The following TNNI3K variants were observed in gnomAD, a reference collection of about 807,000 sequenced individuals.
TNNI3K encodes TNNI3 interacting kinase.
TNNI3K carries 140 observed loss-of-function variants against 114.5 expected under a neutral mutation model. That is an observed-to-expected ratio of 1.22 (90% CI 1.07 to 1.41). The LOEUF (loss-of-function observed/expected upper bound fraction) is 1.41. Among genes scored for constraint, TNNI3K ranks in the 40% most tolerant of loss-of-function variants. The probability of loss-of-function intolerance (pLI) is 0.00; values close to 1 mark genes in which losing one functional copy is unlikely to be tolerated. For missense variants in TNNI3K, 1,125 were observed against 1,007.6 expected (o/e 1.12, Z -1.58); for synonymous variants, 347 against 347.5 (o/e 1.00, Z 0.02).
intron 23 of TNNI3K, among the ~76,000 whole-genome samples, chr1:74,494,189 G>A (rs989803882): frequency 6.6e-6 from 1 of 152,110 alleles, no homozygotes; most frequent in East Asian, 1.9e-4. Flanking sequence ...ACCCACACCT[G>A]CATATACATA....
intron 23 of TNNI3K, among the ~76,000 whole-genome samples, chr1:74,499,926 A>G (rs1387787327): frequency 6.6e-6 from 1 of 152,044 alleles, no homozygotes; most frequent in African/African-American, 2.4e-5. Flanking sequence ...CTAATTGCAA[A>G]CATATTATTT....
chr1:74,377,789 AG>A (rs947964725), intron 17 of TNNI3K, among the ~76,000 whole-genome samples: 2 of 152,006 alleles, frequency 1.3e-5, no homozygotes, highest in Non-Finnish European at 2.9e-5. Flanking sequence ...TTTGCTCCCA[AG>A]GAGCCTAGCA....
chr1:74,513,723 G>A (rs1228856556), intron 23 of TNNI3K, among the ~76,000 whole-genome samples: 1 of 152,162 alleles, frequency 6.6e-6, no homozygotes, highest in Non-Finnish European at 1.5e-5. Flanking sequence ...CATTACCAGA[G>A]AGAAATATTT....
chr1:74,498,059 C>A (rs1315541214), intron 23 of TNNI3K, among the ~76,000 whole-genome samples: 2 of 152,106 alleles, frequency 1.3e-5, no homozygotes, highest in African/African-American at 4.8e-5. Flanking sequence ...GAGCTGGGAC[C>A]AGAATGTTGA....
chr1:74,268,855 A>G (rs1480814926), intron 4 of TNNI3K, among the ~76,000 whole-genome samples: 3 of 151,802 alleles, frequency 2.0e-5, no homozygotes. Context: ...GTTCTTCCCT[A>G]TCTCTCTATC....
chr1:74,291,202 A>G (rs1390914004), intron 5 of TNNI3K, among the ~76,000 whole-genome samples: 1 of 151,632 alleles, frequency 6.6e-6, no homozygotes, highest in African/African-American at 2.4e-5. Context: ...GATATTAAGT[A>G]TATGTAAATG....
rs528093816 is a variant in TNNI3K at position 74,394,553 on chromosome 1, C to G, written c.1772+24161C>G. On this transcript the variant is annotated intron_variant, in intron 17 of 24. Coordinates refer to ENST00000326637, the MANE Select transcript of TNNI3K (RefSeq NM_015978.3). ...TGCTTGTCAGCAACCCCCTTTCCCCCCTTAGCTGCCCTCACCCAAACCAAA... is the reference window on the plus strand; with the variant it reads ...TGCTTGTCAGCAACCCCCTTTCCCCGCTTAGCTGCCCTCACCCAAACCAAA... 1.2e-3 allele frequency among the ~76,000 whole-genome samples: 184 copies of G among 152,142 alleles called. 1 individual carries two copies. Among genetic ancestry groups the G allele is most frequent in the Non-Finnish European group, 9.7e-4 (66 of 68,012 alleles).
In TNNI3K at chr1:74,262,189, C is replaced by G. The variant is rs370228218; in HGVS notation, c.334-9409C>G. On this transcript the variant is annotated intron_variant, in intron 4 of 24. Coordinates refer to ENST00000326637, the MANE Select transcript of TNNI3K (RefSeq NM_015978.3). ...TCGATTTAGACCAAGGTTCAACAGCCTTGGCACTACTGACAATTTGGATTG... is the reference window on the plus strand; with the variant it reads ...TCGATTTAGACCAAGGTTCAACAGCGTTGGCACTACTGACAATTTGGATTG... Among the ~76,000 whole-genome samples, 15 of 152,044 alleles carry G rather than the reference C, an allele frequency of 9.9e-5. No homozygotes were observed. The East Asian group carries it at 1.2e-3, about 12-fold the overall frequency.
At chr1:74,276,585 T>C (rs1266435156) in intron 5 of TNNI3K, among the ~76,000 whole-genome samples, 2 of 152,144 alleles carry the variant, frequency 1.3e-5, no homozygotes, top group African/African-American at 4.8e-5. Flanking sequence ...ATTCCACTCC[T>C]ATTTTTTATT....
chr1:74,444,124 A>G (rs1666516540), intron 20 of TNNI3K, among the ~76,000 whole-genome samples: 4 of 152,136 alleles, frequency 2.6e-5, no homozygotes, highest in Admixed American at 2.6e-4. Flanking sequence ...TTCTCTCATT[A>G]CTCCATTCAA....
chr1:74,352,408 G>C (rs1009791489), intron 9 of TNNI3K, among the ~76,000 whole-genome samples: 1 of 151,788 alleles, frequency 6.6e-6, no homozygotes, highest in South Asian at 2.1e-4. Flanking sequence ...TAGGCTACTC[G>C]GGGGTCAGGG....
At chr1:74,472,257 C>A in intron 21 of TNNI3K, 1 of 705,818 alleles carries the variant, frequency 1.4e-6, no homozygotes, top group Non-Finnish European at 2.6e-6. Flanking sequence ...TTACCCCAAC[C>A]AAACAGATGC....
chr1:74,331,471 C>G lies in TNNI3K; in HGVS notation c.466C>G (p.His156Asp). 1 of 1,613,566 alleles carries G rather than the reference C, an allele frequency of 6.2e-7. No homozygotes were observed. The highest frequency in any genetic ancestry group is 8.5e-7 in the Non-Finnish European group (1 of 1,179,818). The change falls in exon 6 of 25, where the codon CAT becomes GAT. Residue 156 changes from histidine to aspartate, a missense_variant. Transcript: ENST00000326637. ...CCAGGCTGCTGATGTGCTGTTGCAA[C>G]ATGGAGCTAATGTCAATATTCAAGA... ...HLEAADVLLQ[H>D]GANVNIQDAV...
chr1:74,432,214 C>A (rs893665073), intron 17 of TNNI3K, among the ~76,000 whole-genome samples: 4 of 152,170 alleles, frequency 2.6e-5, no homozygotes, highest in Non-Finnish European at 5.9e-5. Context: ...GTTTGCTTAT[C>A]TGTCAAATCA....
intron 23 of TNNI3K, among the ~76,000 whole-genome samples, chr1:74,525,502 T>C (rs1313388993): frequency 6.6e-6 from 1 of 152,156 alleles, no homozygotes; most frequent in Non-Finnish European, 1.5e-5. Context: ...ACATTGAATC[T>C]GAGAGATGAG....
intron 9 of TNNI3K, among the ~76,000 whole-genome samples, chr1:74,352,525 G>T (rs536858412): frequency 3.3e-5 from 5 of 152,352 alleles, no homozygotes; most frequent in South Asian, 4.1e-4. Context: ...GTCTACAGAG[G>T]TTATTGCTGT....
At chr1:74,283,904 A>G (rs1657165276) in intron 5 of TNNI3K, among the ~76,000 whole-genome samples, 1 of 152,176 alleles carries the variant, frequency 6.6e-6, no homozygotes. Context: ...TTGGTAAGAA[A>G]CGCCTATATA....
intron 20 of TNNI3K, among the ~76,000 whole-genome samples, chr1:74,459,615 A>G (rs1427171098): frequency 1.3e-5 from 2 of 152,228 alleles, no homozygotes; most frequent in Non-Finnish European, 2.9e-5. Flanking sequence ...GAAAAAAATA[A>G]CACCAGATTA....
chr1:74,335,262 C>A (rs1341579), intron 6 of TNNI3K, among the ~76,000 whole-genome samples: 1 of 152,088 alleles, frequency 6.6e-6, no homozygotes, highest in Admixed American at 6.6e-5. Flanking sequence ...GAACACAGAG[C>A]TGATATAAAT....
Sources: allele counts gnomAD v4.1 joint callset (sites outside exome capture counted in the v4.1 genomes callset), GRCh38; gene constraint gnomAD v4.1.1; transcripts MANE v1.5; gene names NCBI Gene and HGNC (gene_info 2026-07-23, HGNC 2026-07-21).